Variants in ALMS1 observed in about 807,000 individuals in gnomAD.
ALMS1 encodes ALMS1 centrosome and basal body associated protein.
A neutral mutation model predicts 352.2 loss-of-function variants in ALMS1; 271 were observed. That is an observed-to-expected ratio of 0.77 (90% CI 0.70 to 0.85). ALMS1 has a LOEUF of 0.85. ALMS1 is among the 40% of genes least tolerant of loss of function. The pLI is 0.00. For missense variants in ALMS1, 5,445 were observed against 4,870.7 expected (o/e 1.12, Z -3.51); for synonymous variants, 1,865 against 1,761.2 (o/e 1.06, Z -1.48).
intron 9 of ALMS1, among the ~76,000 whole-genome samples, chr2:73,482,858 A>G (rs1672741896): frequency 1.3e-5 from 2 of 151,682 alleles, no homozygotes; most frequent in African/African-American, 4.8e-5. Context: ...TTTCTAGTTT[A>G]TTTGCATAGA....
rs745947655 is a variant in ALMS1, at chr2:73,489,711, G to A, written c.7752G>A (p.Lys2584=). 17 of 1,613,938 alleles carry A rather than the reference G, an allele frequency of 1.1e-5. No individual in the cohort carries two copies. The South Asian group carries it at 1.9e-4, about 18-fold the overall frequency. Reference sequence around the variant, plus strand: ...ACATTATTATTGAGAGCCATGAAAAGGGATGTTTCCGGACTCTAACTTCTG... The same window carrying A: ...ACATTATTATTGAGAGCCATGAAAAAGGATGTTTCCGGACTCTAACTTCTG... ...CSHIIIESHE[K]GCFRTLTSEH... is the part of the protein sequence containing the mutation. The change falls in exon 10 of 23, where the codon AAG becomes AAA. Residue 2584 remains lysine (K), a synonymous_variant. Coordinates refer to ENST00000613296, the MANE Select transcript of ALMS1 (RefSeq NM_001378454.1).
At chr2:73,525,772 T>C (rs1055395303) in intron 11 of ALMS1, among the ~76,000 whole-genome samples, 2 of 152,198 alleles carry the variant, frequency 1.3e-5, no homozygotes, top group Non-Finnish European at 1.5e-5. Context: ...GAAATCTTTT[T>C]AACTTGATGT....
At chr2:73,510,821 C>T (rs1453774463) in intron 10 of ALMS1, among the ~76,000 whole-genome samples, 1 of 152,186 alleles carries the variant, frequency 6.6e-6, no homozygotes, top group Non-Finnish European at 1.5e-5. Flanking sequence ...CACAGCTGCC[C>T]CTTCCCCCAG....
chr2:73,518,091 T>C (rs1159429979), intron 10 of ALMS1, among the ~76,000 whole-genome samples: 1 of 152,014 alleles, frequency 6.6e-6, no homozygotes, highest in Admixed American at 6.6e-5. Flanking sequence ...CCAGTAGTTT[T>C]TTTTTTTTTT....
intron 9 of ALMS1, chr2:73,469,429 G>C (rs1012384484): frequency 1.3e-4 from 19 of 151,810 alleles, no homozygotes; most frequent in Non-Finnish European, 8.8e-5. Flanking sequence ...AAATGAAAAG[G>C]AGCATGCCAG....
At chr2:73,442,346 G>A (rs902073305) in intron 7 of ALMS1, among the ~76,000 whole-genome samples, 1 of 151,948 alleles carries the variant, frequency 6.6e-6, no homozygotes, top group Non-Finnish European at 1.5e-5. Flanking sequence ...ATGATGATGG[G>A]CACTGCTATT....
intron 13 of ALMS1, among the ~76,000 whole-genome samples, chr2:73,550,778 G>A (rs1674413220): frequency 6.6e-6 from 1 of 151,934 alleles, no homozygotes; most frequent in Non-Finnish European, 1.5e-5. Context: ...ATCTCTGTCA[G>A]ATATTACAAA....
intron 11 of ALMS1, among the ~76,000 whole-genome samples, chr2:73,523,124 C>T (rs542290593): frequency 6.6e-5 from 10 of 152,248 alleles, no homozygotes; most frequent in East Asian, 3.9e-4. Context: ...ATCTGGTACT[C>T]GGTATAGGCA....
At position 73,609,720 on chromosome 2, in the gene ALMS1, T is replaced by C. The variant is rs1043621306; in HGVS notation, c.*108T>C. 2.5e-5 allele frequency: 29 copies of C among 1,142,264 alleles called. No homozygotes were observed. The highest frequency in any genetic ancestry group is 3.7e-5 in the Non-Finnish European group (28 of 760,556). 70.8% of individuals were successfully genotyped at this position (1,142,264 alleles called of 1,614,324 possible). On this transcript the variant is annotated 3_prime_UTR_variant, in exon 23 of 23. Transcript: ENST00000613296. ...GAATAAAGCTTATTCTTTGTCCATGTGTATTTTAGAAATAGTAACTTCTAA... is the reference window on the plus strand; with the variant it reads ...GAATAAAGCTTATTCTTTGTCCATGCGTATTTTAGAAATAGTAACTTCTAA...
chr2:73,460,313 AGG>A lies in ALMS1; in HGVS notation c.7674+5019_7674+5020del, dbSNP rs1672161885. Among the ~76,000 whole-genome samples, 3 of 152,364 alleles carry A rather than the reference AGG, an allele frequency of 2.0e-5. No homozygotes were observed. In the South Asian group the frequency reaches 6.2e-4, roughly 32 times the overall value. On this transcript the variant is annotated intron_variant, in intron 9 of 22. Transcript: ENST00000613296. ...TTTCAACAATGAATGGTGATATATT[AGG>A]ATGATACCTTCAGTGTGCTGAAAGA...
At chr2:73,463,275 T>A (rs890583387) in intron 9 of ALMS1, among the ~76,000 whole-genome samples, 1 of 152,134 alleles carries the variant, frequency 6.6e-6, no homozygotes, top group Admixed American at 6.5e-5. Context: ...TGCAATCAAA[T>A]TGGAACTCAG....
In ALMS1 at chr2:73,385,940, G is replaced by GGAGGAA. The variant is rs1491479006; in HGVS notation, c.74_75insGGAAGA (p.Glu27_Glu28dup). ...AGGAGGAGGAGGAGGAGGAGGAGGA[G>GGAGGAA]GAAGAGGAGGAGGCTGCAGCGGCGG... On this transcript the variant is annotated inframe_insertion, in exon 1 of 23. Transcript: ENST00000613296. The GGAGGAA allele has an allele frequency of 3.4e-6, 4 of 1,180,904 alleles. No individual in the cohort carries two copies. Among genetic ancestry groups the GGAGGAA allele is most frequent in the Admixed American group, 2.0e-5 (1 of 48,908 alleles). 73.2% of individuals were successfully genotyped at this position (1,180,904 alleles called of 1,614,324 possible).
rs1057523167 is a variant in ALMS1 at position 73,572,339 on chromosome 2, G to A, written c.10462G>A (p.Val3488Ile). ...RSAKFYIHHP[V>I]HLPSDQDICH... ...AGCAAAGTTTTACATTCATCATCCC[G>A]TACACCTACCAAGTGATCAAGATAT... The change falls in exon 16 of 23, where the codon GTA (valine) becomes ATA (isoleucine). Residue 3488 changes from valine to isoleucine, a missense_variant. Coordinates refer to ENST00000613296, the MANE Select transcript of ALMS1 (RefSeq NM_001378454.1). 9.3e-6 allele frequency: 15 copies of A among 1,607,750 alleles called. No homozygotes were observed. The highest frequency in any genetic ancestry group is 1.7e-5 in the Admixed American group (1 of 59,144).
chr2:73,580,140 G>A (rs907748502), intron 16 of ALMS1, among the ~76,000 whole-genome samples: 3 of 152,054 alleles, frequency 2.0e-5, no homozygotes, highest in African/African-American at 7.2e-5. Context: ...GTACAGTGAT[G>A]TAATCATAGC....
At chr2:73,426,330 T>C in intron 5 of ALMS1, 123 bp from the exon 6 acceptor site, 2 of 924,414 alleles carry the variant, frequency 2.2e-6, no homozygotes, top group South Asian at 1.3e-5. Context: ...GCATCATTAA[T>C]TGCAGTCGCC....
In ALMS1 at chr2:73,424,559, C is replaced by G; in HGVS notation, c.894C>G (p.His298Gln). Reference sequence around the variant, plus strand: ...GCAGTCGCTTTAGTGTATCTCAGCACCCGCTTATAGGCAGCACAGCTGTTG... The same window carrying G: ...GCAGTCGCTTTAGTGTATCTCAGCAGCCGCTTATAGGCAGCACAGCTGTTG... ...LASSRFSVSQ[H>Q]PLIGSTAVGS... Residue 298 changes from histidine to glutamine, a missense_variant, in exon 5 of 23, where the codon CAC (histidine) becomes CAG (glutamine). By Grantham distance (24) the His-to-Gln change is conservative. Coordinates refer to ENST00000613296, the MANE Select transcript of ALMS1 (RefSeq NM_001378454.1). The G allele has an allele frequency of 6.2e-7, 1 of 1,613,904 alleles. No homozygotes were observed. Among genetic ancestry groups the G allele is most frequent in the Non-Finnish European group, 8.5e-7 (1 of 1,179,970 alleles).
At position 73,424,638 on chromosome 2, in the gene ALMS1, T is replaced by C. The variant is rs1431066919; in HGVS notation, c.973T>C (p.Ser325Pro). 3 of 1,614,088 alleles carry C rather than the reference T, an allele frequency of 1.9e-6. No individual in the cohort carries two copies. The highest frequency in any genetic ancestry group is 2.5e-6 in the Non-Finnish European group (3 of 1,180,012). ...ACAAGGGAATAATGAAGAGACTATT[T>C]CGTCTGTTGATGAACTGAAAATTCC... ...SEQGNNEETI[S>P]SVDELKIPKD... is the part of the protein sequence containing the mutation. Residue 325 changes from serine to proline, a missense_variant, in exon 5 of 23, where the codon TCG (serine) becomes CCG (proline). Ser to Pro is a moderately conservative substitution (Grantham distance 74). Coordinates refer to ENST00000613296, the MANE Select transcript of ALMS1 (RefSeq NM_001378454.1).
intron 10 of ALMS1, among the ~76,000 whole-genome samples, chr2:73,500,835 CCA>C (rs1469302178): frequency 1.2e-4 from 19 of 152,064 alleles, no homozygotes; most frequent in African/African-American, 4.1e-4. Flanking sequence ...CTGTTATTTT[CCA>C]CAGTCTTCCA....
intron 9 of ALMS1, among the ~76,000 whole-genome samples, chr2:73,466,740 A>T (rs900787276): frequency 2.6e-5 from 4 of 152,178 alleles, no homozygotes; most frequent in African/African-American, 9.7e-5. Flanking sequence ...AGAGCAAAAG[A>T]TGTGTTAAGT....
Sources: allele counts gnomAD v4.1 joint callset (sites outside exome capture counted in the v4.1 genomes callset), GRCh38; gene constraint gnomAD v4.1.1; transcripts MANE v1.5; gene names NCBI Gene and HGNC (gene_info 2026-07-23, HGNC 2026-07-21).